The following TMEM145 variants were observed in gnomAD, a reference collection of about 807,000 sequenced individuals.
The protein encoded by TMEM145 is transmembrane protein 145.
In TMEM145, 46 loss-of-function variants were observed where a neutral mutation model predicts 68.5. The ratio of observed to expected loss-of-function variants is 0.67; its 90% CI spans 0.53 to 0.86. TMEM145 has a LOEUF of 0.86. Ranked by LOEUF, TMEM145 falls within the 40% of genes least tolerant of loss-of-function variation. TMEM145 has a pLI of 0.00. For synonymous variants in TMEM145, 255 were observed against 280.2 expected, an observed-to-expected ratio of 0.91 and a Z score of 0.90; for missense variants, 570 against 645.8, an observed-to-expected ratio of 0.88 and a Z score of 1.27.
At chr19:42,321,069 C>G (rs1460723392) in intron 13 of TMEM145, 1 of 398,868 alleles carries the variant, frequency 2.5e-6, no homozygotes, top group African/African-American at 2.1e-5. Flanking sequence ...CTTTTGTATC[C>G]CCACTGCCTT....
Position 42,317,782 on chromosome 19 carries a change from C to T in TMEM145, c.974C>T (p.Ala325Val), listed in dbSNP as rs1267230757. 10 of 1,614,030 alleles carry T rather than the reference C, an allele frequency of 6.2e-6. No homozygotes were observed. The highest frequency in any genetic ancestry group is 7.6e-6 in the Non-Finnish European group (9 of 1,180,028). The change falls in exon 12 of 15, where the codon GCG (alanine) becomes GTG (valine). Residue 325 changes from alanine (A) to valine (V), a missense_variant. By Grantham distance (64) the Ala-to-Val change is moderately conservative. Transcript: ENST00000301204. The part of the protein sequence containing the change: ...AGYGLIGLQV[A>V]AYVWFCYAVL... ...TACGGGCTCATTGGACTGCAGGTGG[C>T]GGCCTACGTGTGGTTCTGCTATGCT...
intron 12 of TMEM145, among the ~76,000 whole-genome samples, chr19:42,319,096 AAAACAACAACAAC>A (rs1441181450): frequency 6.6e-6 from 1 of 152,130 alleles, no homozygotes; most frequent in Non-Finnish European, 1.5e-5. Flanking sequence ...AAACAAACAA[AAAACAACAACAAC>A]AAACAAAACA....
intron 6 of TMEM145, 37 bp from the exon 7 acceptor site, chr19:42,315,151 A>G (rs1346765204): frequency 6.2e-7 from 1 of 1,613,956 alleles, no homozygotes; most frequent in East Asian, 2.2e-5. Context: ...GGGGACATCC[A>G]CCTGAATGAA....
chr19:42,314,187 G>T (rs886889346), intron 1 of TMEM145, 85 bp from the exon 2 acceptor site: 1 of 1,463,410 alleles, frequency 6.8e-7, no homozygotes, highest in Non-Finnish European at 9.6e-7. Context: ...AGGTACCTGG[G>T]GGGTAGGGAA....
rs770515941 is a variant in TMEM145, at chr19:42,314,817, AC to A, written c.388del (p.Leu130Ter). On this transcript the variant is annotated frameshift_variant, in exon 5 of 15. Coordinates refer to ENST00000301204, the MANE Select transcript of TMEM145 (RefSeq NM_173633.3). LOFTEE classifies it high-confidence loss of function. ...GTGGTATCAGAGGAGGGAACCCGCT[AC>A]CTGAGCTGCTCCAGTGGCCGCAGCT... ...CQVVSEEGTR[Y>X]LSCSSGRSFR... 1.2e-6 allele frequency: 2 copies of A among 1,614,182 alleles called. No homozygotes were observed. The highest frequency in any genetic ancestry group is 2.2e-5 in the South Asian group (2 of 91,086).
chr19:42,315,161 A>C, intron 6 of TMEM145, 27 bp from the exon 7 acceptor site: 1 of 1,613,630 alleles, frequency 6.2e-7, no homozygotes, highest in Admixed American at 1.7e-5. Flanking sequence ...ACCTGAATGA[A>C]CCTTACTCCT....
At position 42,320,310 on chromosome 19, in the gene TMEM145, C is replaced by T. The variant is rs533608280; in HGVS notation, c.1074-7C>T. ...GTGTCTCTACTGACCCAATACTTCC[C>T]CTTCAGGTTCTTTGCGGTTCCTGTC... On this transcript the variant is annotated splice_polypyrimidine_tract_variant and splice_region_variant and intron_variant, in intron 12 of 14. Transcript: ENST00000301204. The T allele has an allele frequency of 3.7e-6, 6 of 1,613,790 alleles. No homozygotes were observed. The East Asian group carries it at 6.7e-5, about 18-fold the overall frequency.
At chr19:42,324,679 C>A in intron 14 of TMEM145, 58 bp from the exon 15 acceptor site, 2 of 736,848 alleles carry the variant, frequency 2.7e-6, no homozygotes, top group Non-Finnish European at 3.6e-6. Context: ...CGTCCCGCCC[C>A]CCTCCCCTCT....
rs201889993 is a variant in TMEM145, at chr19:42,316,971, C to T, written c.900+8C>T. The T allele has an allele frequency of 8.2e-5, 132 of 1,611,952 alleles. No individual in the cohort carries two copies. The Admixed American group carries it at 2.0e-3, about 24-fold the overall frequency. On this transcript the variant is annotated splice_region_variant and intron_variant, in intron 11 of 14. Coordinates refer to ENST00000301204, the MANE Select transcript of TMEM145 (RefSeq NM_173633.3). ...CTCATCTACGAGGCGGAAGTGAGTC[C>T]GACTGGCCCCTGGCCGGGCCCTGCC...
chr19:42,320,065 T>C (rs2038897220), intron 12 of TMEM145, among the ~76,000 whole-genome samples: 1 of 152,124 alleles, frequency 6.6e-6, no homozygotes, highest in South Asian at 2.1e-4. Flanking sequence ...GGGCTGTCTA[T>C]TGATTTCTTA....
At chr19:42,324,255 T>C in intron 14 of TMEM145, 1 of 984,982 alleles carries the variant, frequency 1.0e-6, no homozygotes, top group Non-Finnish European at 1.2e-6. Context: ...CCGGACGGCC[T>C]CTGACCCTGA....
chr19:42,317,746 C>T lies in TMEM145; in HGVS notation c.938C>T (p.Ser313Leu), dbSNP rs769765463. 9 of 1,614,020 alleles carry T rather than the reference C, an allele frequency of 5.6e-6. No homozygotes were observed. The highest frequency in any genetic ancestry group is 1.7e-5 in the Admixed American group (1 of 59,996). The change falls in exon 12 of 15, where the codon TCG becomes TTG. Residue 313 changes from serine (S) to leucine (L), a missense_variant. By Grantham distance (145) the Ser-to-Leu change is moderately radical. Coordinates refer to ENST00000301204, the MANE Select transcript of TMEM145 (RefSeq NM_173633.3). ...GGCCAGGTACTGTACACGTATGAGT[C>T]GCCGGCCGGCTACGGGCTCATTGGA... ...DPGQVLYTYE[S>L]PAGYGLIGLQ...
At chr19:42,324,563 G>C (rs938600570) in intron 14 of TMEM145, 174 bp from the exon 15 acceptor site, 30 of 984,670 alleles carry the variant, frequency 3.0e-5, no homozygotes, top group Non-Finnish European at 3.5e-5. Context: ...GGCCATGACC[G>C]GGCCCCGGCC....
At chr19:42,315,858 T>C (rs1037228489) in intron 8 of TMEM145, among the ~76,000 whole-genome samples, 5 of 152,078 alleles carry the variant, frequency 3.3e-5, no homozygotes, top group African/African-American at 1.2e-4. Context: ...GGTGAAACCC[T>C]GTCTCCACTA....
intron 13 of TMEM145, among the ~76,000 whole-genome samples, chr19:42,323,223 G>C (rs1199652852): frequency 1.3e-5 from 2 of 152,178 alleles, no homozygotes; most frequent in Non-Finnish European, 2.9e-5. Flanking sequence ...CTTGAATGTG[G>C]GTAGTGCATA....
At chr19:42,318,268 T>A (rs948522068) in intron 12 of TMEM145, among the ~76,000 whole-genome samples, 3 of 148,884 alleles carry the variant, frequency 2.0e-5, no homozygotes, top group Non-Finnish European at 4.4e-5. Context: ...CTGGGGAGGC[T>A]GAGGCAGGAA....
intron 9 of TMEM145, 23 bp from the exon 10 acceptor site, chr19:42,316,639 C>A (rs1480938870): frequency 6.2e-7 from 1 of 1,613,664 alleles, no homozygotes; most frequent in Non-Finnish European, 8.5e-7. Flanking sequence ...GGCTCTGAGC[C>A]GCCCCCTCCT....
rs2038931522 is a variant in TMEM145, at chr19:42,323,600, A to G, written c.1212A>G (p.Ser404=). 1 of 1,613,892 alleles carries G rather than the reference A, an allele frequency of 6.2e-7. No homozygotes were observed. The highest frequency in any genetic ancestry group is 8.5e-7 in the Non-Finnish European group (1 of 1,179,996). The change falls in exon 14 of 15, where the codon TCA becomes TCG. Residue 404 remains serine (S), a synonymous_variant. Transcript: ENST00000301204. ...GGCCTCAGATCATGACCCGCCCATC[A>G]GCGGCCAACAAGAACTTCCCGTACC... is the stretch of plus-strand genomic sequence containing the variant. The part of the protein sequence containing the change: ...HGVFLIMTRP[S]AANKNFPYHV...
rs1568547494 is a variant in TMEM145 at position 42,316,970 on chromosome 19, C to T, written c.900+7C>T. On this transcript the variant is annotated splice_region_variant and intron_variant, in intron 11 of 14. Transcript: ENST00000301204. ...GCTCATCTACGAGGCGGAAGTGAGT[C>T]CGACTGGCCCCTGGCCGGGCCCTGC... 6.2e-7 allele frequency: 1 copy of T among 1,612,102 alleles called. No individual in the cohort carries two copies. The highest frequency in any genetic ancestry group is 1.3e-5 in the African/African-American group (1 of 75,010).
Sources: gnomAD v4.1 joint callset for allele counts (sites outside exome capture counted in the v4.1 genomes callset) on GRCh38, gnomAD v4.1.1 for gene constraint, MANE v1.5 for transcripts, NCBI Gene and HGNC (gene_info 2026-07-23, HGNC 2026-07-21) for gene names.